Variants in CCSER1 observed in about 807,000 individuals in gnomAD.
CCSER1 encodes the protein serine-rich coiled-coil domain-containing protein 1.
Under a neutral mutation model 82.0 loss-of-function variants are expected in CCSER1, and 41 were observed. The ratio of observed to expected loss-of-function variants is 0.50; its 90% CI spans 0.39 to 0.65. The LOEUF (loss-of-function observed/expected upper bound fraction) is 0.65, where lower values mean the gene tolerates loss of function less well. Ranked by LOEUF, CCSER1 falls within the 30% of genes least tolerant of loss-of-function variation. The pLI is 0.00. For missense variants in CCSER1, 1,119 were observed against 1,064.2 expected (o/e 1.05, Z -0.72); for synonymous variants, 414 against 383.9 (o/e 1.08, Z -0.92).
intron 10 of CCSER1, among the ~76,000 whole-genome samples, chr4:91,465,408 G>T (rs1019626646): frequency 1.3e-5 from 2 of 152,056 alleles, no homozygotes; most frequent in Non-Finnish European, 2.9e-5. Context: ...AAGCAGGAGG[G>T]ATCTAAAATC....
At chr4:90,169,228 CTT>C (rs1032242279) in intron 1 of CCSER1, among the ~76,000 whole-genome samples, 1 of 151,984 alleles carries the variant, frequency 6.6e-6, no homozygotes, top group African/African-American at 2.4e-5. Flanking sequence ...ATTTTATTCT[CTT>C]TGAAGCAATT....
chr4:90,658,297 C>T (rs1381701149), intron 6 of CCSER1, among the ~76,000 whole-genome samples: 2 of 152,114 alleles, frequency 1.3e-5, no homozygotes, highest in Non-Finnish European at 2.9e-5. Flanking sequence ...AAAGGATTTA[C>T]TTTTGCAGGC....
Position 91,255,501 on chromosome 4 carries a change from C to G in CCSER1, c.2217+169507C>G, listed in dbSNP as rs117674153. On this transcript the variant is annotated intron_variant, in intron 10 of 10. Transcript: ENST00000509176. ...AGAGCAAATCCATCACCCTTGTGGG[C>G]AGACTCACAAAAACTGAGTTCATGA... 2.8e-3 allele frequency among the ~76,000 whole-genome samples: 427 copies of G among 152,236 alleles called. 14 individuals carry two copies. In the East Asian group the frequency reaches 0.076, roughly 27 times the overall value.
At chr4:90,213,997 G>A (rs1473753250) in intron 1 of CCSER1, among the ~76,000 whole-genome samples, 1 of 152,056 alleles carries the variant, frequency 6.6e-6, no homozygotes, top group Non-Finnish European at 1.5e-5. Context: ...AGGAATTTTT[G>A]TTTGTTTTTA....
At chr4:90,330,266 A>T (rs1739040204) in intron 3 of CCSER1, among the ~76,000 whole-genome samples, 1 of 152,190 alleles carries the variant, frequency 6.6e-6, no homozygotes, top group African/African-American at 2.4e-5. Flanking sequence ...ACTAGAGGGT[A>T]ACCAGCTGTC....
intron 10 of CCSER1, among the ~76,000 whole-genome samples, chr4:91,527,437 A>G (rs1406427420): frequency 1.3e-5 from 2 of 152,202 alleles, no homozygotes; most frequent in East Asian, 1.9e-4. Context: ...TTTGTTACCA[A>G]TGCACAATAT....
At chr4:90,426,084 G>A (rs762139110) in intron 4 of CCSER1, among the ~76,000 whole-genome samples, 80 of 152,226 alleles carry the variant, frequency 5.3e-4, no homozygotes, top group Non-Finnish European at 9.0e-4. Context: ...GGAACTCTTC[G>A]TGGAAAGTGC....
chr4:90,963,147 T>C (rs932799885), intron 9 of CCSER1, among the ~76,000 whole-genome samples: 3 of 152,156 alleles, frequency 2.0e-5, no homozygotes, highest in African/African-American at 7.2e-5. Context: ...TGAACAGCTC[T>C]TATTATATAG....
chr4:90,853,625 G>A (rs1217718682), intron 8 of CCSER1, among the ~76,000 whole-genome samples: 5 of 151,990 alleles, frequency 3.3e-5, no homozygotes, highest in Admixed American at 2.6e-4. Context: ...TTAAAGACCA[G>A]TATTTTTTAT....
At chr4:90,733,705 G>C (rs539838897) in intron 7 of CCSER1, among the ~76,000 whole-genome samples, 1 of 152,150 alleles carries the variant, frequency 6.6e-6, no homozygotes, top group Non-Finnish European at 1.5e-5. Flanking sequence ...TTTTGTATAT[G>C]ATCAGAGATA....
chr4:90,628,878 A>T (rs2148918428), intron 6 of CCSER1, among the ~76,000 whole-genome samples: 1 of 152,236 alleles, frequency 6.6e-6, no homozygotes, highest in South Asian at 2.1e-4. Flanking sequence ...CAGTTGTTTT[A>T]TTTGAGGGAT....
chr4:90,932,990 A>AGAAAG (rs1348128730), intron 9 of CCSER1, among the ~76,000 whole-genome samples: 3 of 48,490 alleles, frequency 6.2e-5, no homozygotes, highest in African/African-American at 2.5e-4. Flanking sequence ...AAGAGAAAGA[A>AGAAAG]AGAAAGAAAG....
intron 4 of CCSER1, among the ~76,000 whole-genome samples, chr4:90,462,604 T>C (rs28706724): frequency 0.12 from 18,793 of 151,986 alleles, 1,921 homozygotes; most frequent in African/African-American, 0.28. Flanking sequence ...GGTATGGTGG[T>C]GTATACCTGT....
At chr4:90,486,841 T>C (rs1767171958) in intron 5 of CCSER1, among the ~76,000 whole-genome samples, 2 of 152,228 alleles carry the variant, frequency 1.3e-5, no homozygotes, top group African/African-American at 2.4e-5. Context: ...AACAGTAAGC[T>C]GAAAAGAAAG....
intron 10 of CCSER1, among the ~76,000 whole-genome samples, chr4:91,358,949 C>A (rs1410418965): frequency 2.0e-5 from 3 of 152,076 alleles, no homozygotes; most frequent in African/African-American, 7.2e-5. Flanking sequence ...GTCAGGGAAC[C>A]AAGAAATGTA....
chr4:90,571,609 A>ACGG (rs1780126810), intron 5 of CCSER1, among the ~76,000 whole-genome samples: 1 of 152,132 alleles, frequency 6.6e-6, no homozygotes, highest in African/African-American at 2.4e-5. Flanking sequence ...GGAGGGAGGA[A>ACGG]CGGGGGCAAG....
In CCSER1 at chr4:90,470,532, G is replaced by A. The variant is rs115317404; in HGVS notation, c.1724+2178G>A. Among the ~76,000 whole-genome samples, 789 of 152,192 alleles carry A rather than the reference G, an allele frequency of 5.2e-3. 13 individuals are homozygous for A. Among genetic ancestry groups the A allele is most frequent in the African/African-American group, 0.018 (753 of 41,534 alleles). On this transcript the variant is annotated intron_variant, in intron 5 of 10. Transcript: ENST00000509176. Reference sequence around the variant, plus strand: ...GTTATTGGCTCATGTAATTTATAAAGTACAAAGGTAGCAATTTCTTCAAGT... The same window carrying A: ...GTTATTGGCTCATGTAATTTATAAAATACAAAGGTAGCAATTTCTTCAAGT...
At chr4:90,465,033 G>A (rs932046841) in intron 4 of CCSER1, among the ~76,000 whole-genome samples, 6 of 152,004 alleles carry the variant, frequency 3.9e-5, no homozygotes, top group Admixed American at 2.6e-4. Context: ...GTGTGATCTC[G>A]GCTCACTGCA....
At chr4:90,596,203 T>C (rs11944419) in intron 5 of CCSER1, among the ~76,000 whole-genome samples, 69,671 of 151,630 alleles carry the variant, frequency 0.46, 20,704 homozygotes, top group African/African-American at 0.84. Flanking sequence ...ACTAAAAACA[T>C]GTGTTAAACT....
Sources: gnomAD v4.1 joint callset for allele counts (sites outside exome capture counted in the v4.1 genomes callset) on GRCh38, gnomAD v4.1.1 for gene constraint, MANE v1.5 for transcripts, NCBI Gene and HGNC (gene_info 2026-07-23, HGNC 2026-07-21) for gene names.